The following AHI1 variants were observed in gnomAD, a reference collection of about 807,000 sequenced individuals.
The protein encoded by AHI1 is Abelson helper integration site 1.
A neutral mutation model predicts 149.3 loss-of-function variants in AHI1; 123 were observed. The observed-to-expected ratio is 0.82, with a 90% confidence interval of 0.71 to 0.96. AHI1 has a LOEUF of 0.96. Among genes scored for constraint, AHI1 ranks in the 40% least tolerant of loss-of-function variants. AHI1 has a pLI of 0.00. For synonymous variants in AHI1, 475 were observed against 459.8 expected (o/e 1.03, Z -0.42); for missense variants, 1,439 against 1,422.7 (o/e 1.01, Z -0.18).
intron 10 of AHI1, among the ~76,000 whole-genome samples, chr6:135,454,834 A>T (rs1788667891): frequency 6.6e-6 from 1 of 152,208 alleles, no homozygotes; most frequent in Admixed American, 6.5e-5. Context: ...TAACAGCTTT[A>T]TGTAAATCAC....
intron 26 of AHI1, 196 bp from the exon 27 acceptor site, chr6:135,300,754 A>G: frequency 8.2e-7 from 1 of 1,215,140 alleles, no homozygotes; most frequent in East Asian, 3.5e-5. Flanking sequence ...AAACCAAGGA[A>G]GTAGTTCTCC....
Position 135,490,230 on chromosome 6 carries a change from T to C in AHI1, c.135+393A>G, listed in dbSNP as rs141019618. 242 of 723,638 alleles carry C rather than the reference T, an allele frequency of 3.3e-4. No individual in the cohort carries two copies. In the African/African-American group the frequency reaches 3.8e-3, roughly 11 times the overall value. 44.8% of individuals were successfully genotyped at this position (723,638 alleles called of 1,614,324 possible). On this transcript the variant is annotated intron_variant, in intron 5 of 28. Coordinates refer to ENST00000265602, the MANE Select transcript of AHI1 (RefSeq NM_001134831.2). The stretch of plus-strand genomic sequence containing the variant: ...GGCCATTGATTTCTCCTGGTTCTGT[T>C]GGGTAGAATCACACAGAAATAGTTT...
At position 135,492,292 on chromosome 6, in the gene AHI1, C is replaced by T; in HGVS notation, c.-54-1G>A. On this transcript the variant is annotated splice_acceptor_variant, in intron 3 of 28. Transcript: ENST00000265602. LOFTEE classifies it low-confidence loss of function (5UTR_SPLICE). ...GCAAAGCATTGACTCAATCAGGATC[C>T]TATCGAAACAAAGGAGATGTATTTG... 1 of 1,508,782 alleles carries T rather than the reference C, an allele frequency of 6.6e-7. No individual in the cohort carries two copies. The allele number at this position is 1,508,782 out of a possible 1,614,324, so 93.5% of individuals were successfully genotyped here. A position where few individuals can be genotyped will look rare whatever the true frequency, so the allele number is the denominator to read the frequency against.
At chr6:135,387,891 C>A in intron 23 of AHI1, 1 of 1,564,736 alleles carries the variant, frequency 6.4e-7, no homozygotes, top group South Asian at 1.2e-5. Context: ...GACATTTATC[C>A]GAAGAGAGAA....
At chr6:135,394,364 G>A (rs1260084530) in intron 23 of AHI1, among the ~76,000 whole-genome samples, 2 of 151,946 alleles carry the variant, frequency 1.3e-5, no homozygotes, top group African/African-American at 2.4e-5. Flanking sequence ...GCCCTTTAAT[G>A]GGATGTGATA....
chr6:135,298,995 G>A (rs578107101), intron 27 of AHI1, among the ~76,000 whole-genome samples: 3 of 151,774 alleles, frequency 2.0e-5, no homozygotes, highest in Admixed American at 6.6e-5. Context: ...TTTTTTTTTG[G>A]TTGTTGAAAC....
At chr6:135,306,227 T>A (rs1784520924) in intron 26 of AHI1, among the ~76,000 whole-genome samples, 1 of 152,100 alleles carries the variant, frequency 6.6e-6, no homozygotes, top group African/African-American at 2.4e-5. Flanking sequence ...GGGATGGGGA[T>A]CACTGATTGA....
At chr6:135,418,642 A>G (rs1782714279) in intron 20 of AHI1, among the ~76,000 whole-genome samples, 1 of 152,084 alleles carries the variant, frequency 6.6e-6, no homozygotes, top group African/African-American at 2.4e-5. Flanking sequence ...TACTTACATT[A>G]TTGACTTTAT....
chr6:135,393,785 G>A (rs1778847782), intron 23 of AHI1, among the ~76,000 whole-genome samples: 2 of 151,958 alleles, frequency 1.3e-5, no homozygotes, highest in South Asian at 4.1e-4. Context: ...GTTTTCATAT[G>A]TGCAATCTCA....
Position 135,314,608 on chromosome 6 carries a change from C to T in AHI1, c.3426+3911G>A, listed in dbSNP as rs182693613. ...CTTACAGTCCTTACATTGTTGTAGG[C>T]AACCATCACCATATATCCTTGCTTA... On this transcript the variant is annotated intron_variant, in intron 26 of 28. Coordinates refer to ENST00000265602, the MANE Select transcript of AHI1 (RefSeq NM_001134831.2). Among the ~76,000 whole-genome samples the T allele has an allele frequency of 6.8e-4, 103 of 152,292 alleles. 1 individual carries two copies. Among genetic ancestry groups the T allele is most frequent in the African/African-American group, 2.3e-3 (95 of 41,572 alleles).
At chr6:135,404,587 G>T (rs1174307228) in intron 22 of AHI1, among the ~76,000 whole-genome samples, 1 of 152,172 alleles carries the variant, frequency 6.6e-6, no homozygotes, top group Non-Finnish European at 1.5e-5. Flanking sequence ...GCATTTCAAT[G>T]CTTATACAGT....
chr6:135,372,861 T>C (rs1243471743), intron 23 of AHI1, among the ~76,000 whole-genome samples: 2 of 152,218 alleles, frequency 1.3e-5, no homozygotes, highest in African/African-American at 4.8e-5. Context: ...CAGACCCATT[T>C]ATGTGTTTGT....
rs144411642 is a variant in AHI1 at position 135,342,417 on chromosome 6, G to A, written c.3165+15715C>T. 3.1e-3 allele frequency among the ~76,000 whole-genome samples: 465 copies of A among 151,822 alleles called. 2 individuals are homozygous for A. Among genetic ancestry groups the A allele is most frequent in the African/African-American group, 0.01 (432 of 41,496 alleles). ...ATTTTCTAATTCATTCCATGGGATCGGTATTACCATGATCCCAAAACCAGA... is the reference window on the plus strand; with the variant it reads ...ATTTTCTAATTCATTCCATGGGATCAGTATTACCATGATCCCAAAACCAGA... On this transcript the variant is annotated intron_variant, in intron 24 of 28. Transcript: ENST00000265602.
intron 12 of AHI1, among the ~76,000 whole-genome samples, chr6:135,447,823 G>A (rs1384005908): frequency 6.6e-6 from 1 of 152,112 alleles, no homozygotes; most frequent in Non-Finnish European, 1.5e-5. Flanking sequence ...TCTGCAAACT[G>A]CAGCCCACAC....
At chr6:135,421,878 T>G (rs1371791778) in intron 20 of AHI1, among the ~76,000 whole-genome samples, 1 of 152,170 alleles carries the variant, frequency 6.6e-6, no homozygotes. Context: ...TCTTTTAATT[T>G]CTCCTACCAG....
chr6:135,375,880 T>C (rs1279248928), intron 23 of AHI1, among the ~76,000 whole-genome samples: 1 of 151,952 alleles, frequency 6.6e-6, no homozygotes, highest in Non-Finnish European at 1.5e-5. Context: ...AGCTCTGGGG[T>C]AGGGATAGTA....
chr6:135,363,974 G>A (rs539001710), intron 23 of AHI1, among the ~76,000 whole-genome samples: 19 of 144,216 alleles, frequency 1.3e-4, no homozygotes, highest in South Asian at 4.4e-4. Flanking sequence ...CGGACGGGGC[G>A]GCTGGCCGGG....
rs546741626 is a variant in AHI1 at position 135,331,320 on chromosome 6, A to G, written c.3166-7996T>C. ...ATTTTGACCACTGTTCACATATTTGAAATAGAGTTCTTCTTTTTCTCAAAG... is the reference window on the plus strand; with the variant it reads ...ATTTTGACCACTGTTCACATATTTGGAATAGAGTTCTTCTTTTTCTCAAAG... On this transcript the variant is annotated intron_variant, in intron 24 of 28. Coordinates refer to ENST00000265602, the MANE Select transcript of AHI1 (RefSeq NM_001134831.2). 3.9e-5 allele frequency among the ~76,000 whole-genome samples: 6 copies of G among 152,326 alleles called. No individual in the cohort carries two copies. In the South Asian group the frequency reaches 1.0e-3, roughly 26 times the overall value.
intron 23 of AHI1, among the ~76,000 whole-genome samples, chr6:135,386,872 T>G (rs946744000): frequency 6.6e-6 from 1 of 151,786 alleles, no homozygotes; most frequent in Non-Finnish European, 1.5e-5. Flanking sequence ...CTCAGCTGAT[T>G]GGCCCACCTC....
Sources: allele counts gnomAD v4.1 joint callset (sites outside exome capture counted in the v4.1 genomes callset), GRCh38; gene constraint gnomAD v4.1.1; transcripts MANE v1.5; gene names NCBI Gene and HGNC (gene_info 2026-07-23, HGNC 2026-07-21).